The following CMIP variants were observed in gnomAD, a reference collection of about 807,000 sequenced individuals.
The protein encoded by CMIP is c-Maf inducing protein.
CMIP carries 13 observed loss-of-function variants against 97.3 expected under a neutral mutation model. The ratio of observed to expected loss-of-function variants is 0.13; its 90% CI spans 0.09 to 0.21. CMIP has a LOEUF of 0.21. CMIP is among the 10% of genes least tolerant of loss of function. The probability of loss-of-function intolerance (pLI) is 1.00; values close to 1 mark genes in which losing one functional copy is unlikely to be tolerated. For missense variants in CMIP, 847 were observed against 1,024.9 expected, an observed-to-expected ratio of 0.83 and a Z score of 2.37; for synonymous variants, 538 against 436.3, an observed-to-expected ratio of 1.23 and a Z score of -2.91.
chr16:81,657,883 G>T, intron 5 of CMIP, 67 bp downstream of exon 5: 2 of 1,373,228 alleles, frequency 1.5e-6, no homozygotes, highest in Non-Finnish European at 2.0e-6. Context: ...CCCTTTTCCT[G>T]GTTTGGGGTA....
At chr16:81,554,826 G>A (rs1009076968) in intron 1 of CMIP, among the ~76,000 whole-genome samples, 6 of 152,180 alleles carry the variant, frequency 3.9e-5, no homozygotes, top group African/African-American at 1.2e-4. Context: ...GCTTAGCATC[G>A]TGTCTGCTAG....
intron 3 of CMIP, among the ~76,000 whole-genome samples, chr16:81,642,130 C>G (rs906239612): frequency 1.3e-5 from 2 of 152,270 alleles, no homozygotes; most frequent in Non-Finnish European, 2.9e-5. Flanking sequence ...TGTCACTCGT[C>G]ATTCATCAGA....
At position 81,509,165 on chromosome 16, in the gene CMIP, C is replaced by T. The variant is rs531096127; in HGVS notation, c.300+63624C>T. 1.6e-4 allele frequency among the ~76,000 whole-genome samples: 25 copies of T among 152,326 alleles called. No homozygotes were observed. In the South Asian group the frequency reaches 3.9e-3, roughly 24 times the overall value. On this transcript the variant is annotated intron_variant, in intron 1 of 20. Transcript: ENST00000537098. ...AGGTGTCTGCAGGTGTCACCAACAC[C>T]GTGTGCTCCCCGTGTGGCAGACCTC...
intron 1 of CMIP, among the ~76,000 whole-genome samples, chr16:81,605,073 A>G (rs1555536169): frequency 6.6e-6 from 1 of 152,196 alleles, no homozygotes; most frequent in Non-Finnish European, 1.5e-5. Flanking sequence ...GGGTGAGGAA[A>G]AGAAGTACAG....
chr16:81,699,627 C>A (rs906720369), intron 14 of CMIP, 58 bp from the exon 15 acceptor site: 2 of 1,136,874 alleles, frequency 1.8e-6, no homozygotes, highest in Admixed American at 1.9e-5. Flanking sequence ...CCTGCCAGCA[C>A]GCTGGAGGCT....
At chr16:81,483,422 G>A (rs1440680462) in intron 1 of CMIP, among the ~76,000 whole-genome samples, 1 of 152,192 alleles carries the variant, frequency 6.6e-6, no homozygotes, top group Non-Finnish European at 1.5e-5. Context: ...CACTAGTGGG[G>A]TCAGATGGTG....
chr16:81,637,065 T>C (rs2092246339), intron 3 of CMIP, among the ~76,000 whole-genome samples: 3 of 152,058 alleles, frequency 2.0e-5, no homozygotes. Flanking sequence ...AGGGGGTTTC[T>C]GGTCACCTTT....
chr16:81,508,699 C>A (rs2089755706), intron 1 of CMIP, among the ~76,000 whole-genome samples: 2 of 152,236 alleles, frequency 1.3e-5, no homozygotes, highest in Non-Finnish European at 2.9e-5. Flanking sequence ...AGTTTCAGCA[C>A]TCTCCATCAG....
intron 3 of CMIP, among the ~76,000 whole-genome samples, chr16:81,629,143 A>T (rs1370326279): frequency 4.2e-5 from 6 of 141,618 alleles, no homozygotes; most frequent in African/African-American, 1.7e-4. Context: ...TTAAAAAAAA[A>T]AAAAAAAAAA....
At chr16:81,662,686 T>G (rs1031204964) in intron 6 of CMIP, among the ~76,000 whole-genome samples, 5 of 152,290 alleles carry the variant, frequency 3.3e-5, no homozygotes, top group Non-Finnish European at 7.4e-5. Context: ...TCTAGCATCC[T>G]CATCTGGGGG....
chr16:81,683,707 T>G (rs972058195), intron 10 of CMIP, among the ~76,000 whole-genome samples: 1 of 151,400 alleles, frequency 6.6e-6, no homozygotes, highest in Non-Finnish European at 1.5e-5. Flanking sequence ...TAAAAAGTCT[T>G]TGATTCTTCT....
chr16:81,620,931 G>T lies in CMIP; in HGVS notation c.477+5G>T. On this transcript the variant is annotated splice_donor_5th_base_variant and intron_variant, in intron 3 of 20. Coordinates refer to ENST00000537098, the MANE Select transcript of CMIP (RefSeq NM_198390.3). Reference sequence around the variant, plus strand: ...TTCCATTCTCTGCAATGGAAGGTAAGTACTGACTCGGTTGCTTGTTTAAAG... The same window carrying T: ...TTCCATTCTCTGCAATGGAAGGTAATTACTGACTCGGTTGCTTGTTTAAAG... 6.2e-7 allele frequency: 1 copy of T among 1,613,906 alleles called. No individual in the cohort carries two copies. The highest frequency in any genetic ancestry group is 8.5e-7 in the Non-Finnish European group (1 of 1,179,814).
At chr16:81,596,990 C>G (rs756045336) in intron 1 of CMIP, among the ~76,000 whole-genome samples, 1 of 152,222 alleles carries the variant, frequency 6.6e-6, no homozygotes, top group Admixed American at 6.5e-5. Context: ...AGTTGTAGAC[C>G]ATACATTCTC....
intron 10 of CMIP, among the ~76,000 whole-genome samples, chr16:81,681,198 G>A (rs1904840491): frequency 6.6e-6 from 1 of 152,150 alleles, no homozygotes; most frequent in African/African-American, 2.4e-5. Context: ...TCCATCTTCG[G>A]GGAGCTCAAC....
intron 1 of CMIP, among the ~76,000 whole-genome samples, chr16:81,469,967 A>G (rs534337269): frequency 2.9e-4 from 44 of 152,260 alleles, no homozygotes; most frequent in African/African-American, 9.9e-4. Flanking sequence ...GCAGCAGGTA[A>G]AGAGCAGGCC....
rs190361921 is a variant in CMIP, at chr16:81,613,069, C to T, written c.426+5377C>T. Among the ~76,000 whole-genome samples, 1,217 of 152,326 alleles carry T rather than the reference C, an allele frequency of 8.0e-3. 16 individuals carry two copies. The highest frequency in any genetic ancestry group is 0.013 in the Non-Finnish European group (906 of 68,034). ...CCTGTGCTGGGACTCAAGACATTGC[C>T]TAGCAGCGTATGTCCTCCTTCAAAA... is the stretch of plus-strand genomic sequence containing the variant. On this transcript the variant is annotated intron_variant, in intron 2 of 20. Transcript: ENST00000537098.
At chr16:81,577,688 T>TTATCAC (rs2091219907) in intron 1 of CMIP, among the ~76,000 whole-genome samples, 1 of 150,914 alleles carries the variant, frequency 6.6e-6, no homozygotes, top group Non-Finnish European at 1.5e-5. Flanking sequence ...CACTACATTA[T>TTATCAC]TATCACTATC....
chr16:81,452,144 A>G (rs16955365), intron 1 of CMIP, among the ~76,000 whole-genome samples: 3,821 of 152,254 alleles, frequency 0.025, 158 homozygotes, highest in African/African-American at 0.086. Flanking sequence ...TCGTCCTGGC[A>G]TTTGGGGTGT....
intron 1 of CMIP, among the ~76,000 whole-genome samples, chr16:81,524,544 A>G (rs906066403): frequency 7.2e-5 from 11 of 152,256 alleles, no homozygotes; most frequent in Non-Finnish European, 1.2e-4. Context: ...TCGCCAAGCC[A>G]GGCACGTCAT....
Sources: gnomAD v4.1 joint callset for allele counts (sites outside exome capture counted in the v4.1 genomes callset) on GRCh38, gnomAD v4.1.1 for gene constraint, MANE v1.5 for transcripts, NCBI Gene and HGNC (gene_info 2026-07-23, HGNC 2026-07-21) for gene names.